The following BANK1 variants were observed in gnomAD, a reference collection of about 807,000 sequenced individuals.
The protein encoded by BANK1 is B-cell scaffold protein with ankyrin repeats.
A neutral mutation model predicts 94.5 loss-of-function variants in BANK1; 95 were observed. The observed-to-expected ratio is 1.00, with a 90% CI of 0.85 to 1.19. The LOEUF is 1.19. Among genes scored for constraint, BANK1 ranks in the 50% most tolerant of loss-of-function variants. The probability of loss-of-function intolerance (pLI) is 0.00; values close to 1 mark genes in which losing one functional copy is unlikely to be tolerated. For missense variants in BANK1, 987 were observed against 932.2 expected, an observed-to-expected ratio of 1.06 and a Z score of -0.77; for synonymous variants, 334 against 308.4, an observed-to-expected ratio of 1.08 and a Z score of -0.87.
intron 1 of BANK1, among the ~76,000 whole-genome samples, chr4:101,803,996 TCAAAAAAAAAA>T (rs1320148230): frequency 7.6e-5 from 1 of 13,094 alleles, no homozygotes; most frequent in African/African-American, 4.1e-4. Flanking sequence ...AGACTCCGTC[TCAAAAAAAAAA>T]AAAAAAAAAA....
intron 7 of BANK1, chr4:101,972,561 C>G (rs1254711064): frequency 1.3e-5 from 2 of 152,086 alleles, no homozygotes; most frequent in African/African-American, 2.4e-5. Flanking sequence ...TTAGGACAAC[C>G]TAGCTTCACA....
At chr4:101,791,581 A>G (rs1391492519) in intron 1 of BANK1, among the ~76,000 whole-genome samples, 2 of 152,218 alleles carry the variant, frequency 1.3e-5, no homozygotes, top group Non-Finnish European at 2.9e-5. Flanking sequence ...TTCTTTTTGA[A>G]GCATTTCAAA....
At chr4:102,062,587 G>A (rs1270548246) in intron 12 of BANK1, 1 of 152,760 alleles carries the variant, frequency 6.5e-6, no homozygotes, top group African/African-American at 2.4e-5. Context: ...ATCCTGTTAT[G>A]TTCATCTGCT....
chr4:101,902,327 A>G lies in BANK1; in HGVS notation c.1009+6917A>G, dbSNP rs1722314900. Among the ~76,000 whole-genome samples the G allele has an allele frequency of 5.3e-5, 8 of 152,346 alleles. 1 individual carries two copies. The South Asian group carries it at 1.7e-3, about 32-fold the overall frequency. ...TACTTTTGTAGGAATATAATGGGTA[A>G]TGTTTAGTTGAAATATTATTCTAAC... is the stretch of plus-strand genomic sequence containing the variant. On this transcript the variant is annotated intron_variant, in intron 6 of 16. Coordinates refer to ENST00000322953, the MANE Select transcript of BANK1 (RefSeq NM_017935.5).
intron 4 of BANK1, among the ~76,000 whole-genome samples, chr4:101,867,765 TATAA>T (rs59989392): frequency 6.2e-4 from 92 of 147,638 alleles, no homozygotes; most frequent in Middle Eastern, 3.5e-3. Flanking sequence ...AAAAAATAAA[TATAA>T]ATAAATAAAT....
At chr4:102,051,793 G>C (rs144745266) in intron 11 of BANK1, among the ~76,000 whole-genome samples, 3 of 152,134 alleles carry the variant, frequency 2.0e-5, no homozygotes, top group Admixed American at 1.3e-4. Context: ...GAAAGTGGGG[G>C]TAGGAGGGTA....
chr4:101,839,963 T>A (rs1170832883), intron 2 of BANK1, among the ~76,000 whole-genome samples: 786 of 75,614 alleles, frequency 0.01, 50 homozygotes, highest in African/African-American at 0.038. Flanking sequence ...TTTTTTTTTT[T>A]TTTTTTTTTT....
At chr4:102,017,855 T>C (rs1726762824) in intron 7 of BANK1, among the ~76,000 whole-genome samples, 2 of 152,168 alleles carry the variant, frequency 1.3e-5, no homozygotes, top group Admixed American at 6.5e-5. Flanking sequence ...ACAAAGAAAA[T>C]TTCTACTTTT....
intron 2 of BANK1, among the ~76,000 whole-genome samples, chr4:101,837,718 A>G (rs370419761): frequency 6.6e-6 from 1 of 152,220 alleles, no homozygotes; most frequent in Admixed American, 6.5e-5. Flanking sequence ...TTGAAGAATG[A>G]AACTCAAACA....
intron 14 of BANK1, among the ~76,000 whole-genome samples, chr4:102,071,892 G>A (rs569653227): frequency 6.6e-6 from 1 of 152,274 alleles, no homozygotes; most frequent in East Asian, 1.9e-4. Flanking sequence ...GAATGAAGAA[G>A]CCATAGAACT....
intron 1 of BANK1, among the ~76,000 whole-genome samples, chr4:101,823,871 G>A (rs1213185432): frequency 6.6e-6 from 1 of 152,164 alleles, no homozygotes; most frequent in Non-Finnish European, 1.5e-5. Flanking sequence ...TTGAAAGAAA[G>A]AACTAAGTTA....
chr4:101,796,747 A>G (rs1725169625), intron 1 of BANK1, among the ~76,000 whole-genome samples: 1 of 152,172 alleles, frequency 6.6e-6, no homozygotes, highest in Admixed American at 6.5e-5. Context: ...TGTTAACAGG[A>G]TATTTTTACT....
At chr4:102,036,070 T>C (rs951144688) in intron 10 of BANK1, among the ~76,000 whole-genome samples, 34 of 152,228 alleles carry the variant, frequency 2.2e-4, no homozygotes, top group African/African-American at 7.7e-4. Context: ...CAATTTTCTA[T>C]TTTCCTCACA....
rs918143680 is a variant in BANK1 at position 102,034,645 on chromosome 4, G to T, written c.1900+4380G>T. ...CCCTGTATTCTAACAGAACAAGTTG[G>T]CTTAGTCATCTTCTTATAATAATTA... is the stretch of plus-strand genomic sequence containing the variant. On this transcript the variant is annotated intron_variant, in intron 10 of 16. Transcript: ENST00000322953. Among the ~76,000 whole-genome samples the T allele has an allele frequency of 3.9e-5, 6 of 152,146 alleles. No individual in the cohort carries two copies. In the South Asian group the frequency reaches 8.3e-4, roughly 21 times the overall value.
chr4:102,018,735 T>C (rs1726795628), intron 7 of BANK1, among the ~76,000 whole-genome samples: 1 of 152,050 alleles, frequency 6.6e-6, no homozygotes, highest in Non-Finnish European at 1.5e-5. Context: ...TGTGTCAAGA[T>C]AATTTTTTAA....
At chr4:101,839,964 TTTTTTTTTTTTTTTTTTTTTTTG>T (rs1726976866) in intron 2 of BANK1, among the ~76,000 whole-genome samples, 1 of 72,194 alleles carries the variant, frequency 1.4e-5, no homozygotes, top group Non-Finnish European at 2.6e-5. Flanking sequence ...TTTTTTTTTT[TTTTTTTTTTTTTTTTTTTTTTTG>T]AGACAGAGTC....
At chr4:102,072,513 C>A in intron 15 of BANK1, 113 bp downstream of exon 15, 1 of 734,020 alleles carries the variant, frequency 1.4e-6, no homozygotes, top group Non-Finnish European at 2.2e-6. Flanking sequence ...CAGATATGAA[C>A]AAAATAGGTT....
At chr4:101,940,254 A>AG (rs977654741) in intron 7 of BANK1, among the ~76,000 whole-genome samples, 27 of 151,670 alleles carry the variant, frequency 1.8e-4, no homozygotes, top group Non-Finnish European at 2.8e-4. Context: ...AAGCAGGAAA[A>AG]AAAAAACAGA....
intron 7 of BANK1, among the ~76,000 whole-genome samples, chr4:101,940,691 C>A (rs551374226): frequency 6.6e-6 from 1 of 151,688 alleles, no homozygotes; most frequent in African/African-American, 2.4e-5. Flanking sequence ...ATTTTTCTCA[C>A]GATTAAACTG....
Sources: gnomAD v4.1 joint callset for allele counts (sites outside exome capture counted in the v4.1 genomes callset) on GRCh38, gnomAD v4.1.1 for gene constraint, MANE v1.5 for transcripts, NCBI Gene and HGNC (gene_info 2026-07-23, HGNC 2026-07-21) for gene names.